Variants in PIGX observed in about 807,000 individuals in gnomAD.
The protein encoded by PIGX is phosphatidylinositol glycan anchor biosynthesis class X, also known as GPI alpha-1,4-mannosyltransferase I, stabilizing subunit.
In PIGX, 24 loss-of-function variants were observed where a neutral mutation model predicts 28.7. The ratio of observed to expected loss-of-function variants is 0.84; its 90% confidence interval spans 0.60 to 1.17. The LOEUF (loss-of-function observed/expected upper bound fraction) is 1.17, where lower values mean the gene tolerates loss of function less well. PIGX is among the 50% of genes most tolerant of loss of function. The pLI is 0.00. For synonymous variants in PIGX, 127 were observed against 121.0 expected (o/e 1.05, Z -0.33); for missense variants, 305 against 317.8 (o/e 0.96, Z 0.31).
chr3:196,714,029 T>C (rs1711974884), intron 1 of PIGX, among the ~76,000 whole-genome samples: 1 of 152,180 alleles, frequency 6.6e-6, no homozygotes, highest in African/African-American at 2.4e-5. Flanking sequence ...CTTTCTCCGG[T>C]CCCAATGATC....
At chr3:196,730,611 A>G (rs1712708579) in intron 4 of PIGX, among the ~76,000 whole-genome samples, 1 of 151,906 alleles carries the variant, frequency 6.6e-6, no homozygotes, top group Non-Finnish European at 1.5e-5. Context: ...AGCTGGGTGC[A>G]ATGGCAGGCA....
At chr3:196,727,383 C>A (rs1007166125) in intron 3 of PIGX, among the ~76,000 whole-genome samples, 31 of 152,152 alleles carry the variant, frequency 2.0e-4, no homozygotes, top group African/African-American at 7.0e-4. Flanking sequence ...TTTAAGCAAT[C>A]ATTTACTATT....
chr3:196,732,212 TTATTTATATATATATATATA>T (rs1712791693), intron 5 of PIGX, among the ~76,000 whole-genome samples: 2 of 52,254 alleles, frequency 3.8e-5, no homozygotes, highest in South Asian at 7.5e-4. Context: ...TATGTATATA[TTATTTATATATATATATATA>T]TATATATATA....
intron 5 of PIGX, among the ~76,000 whole-genome samples, chr3:196,732,143 T>C (rs1383769248): frequency 6.9e-6 from 1 of 145,934 alleles, no homozygotes; most frequent in African/African-American, 2.5e-5. Context: ...CCTTTAAAAT[T>C]CTGTAACTTG....
intron 3 of PIGX, among the ~76,000 whole-genome samples, chr3:196,723,295 C>G (rs149533899): frequency 0.04 from 6,033 of 152,114 alleles, 139 homozygotes; most frequent in Non-Finnish European, 0.041. Context: ...GAGCCGAGAT[C>G]GCATCATTGC....
intron 2 of PIGX, among the ~76,000 whole-genome samples, chr3:196,720,655 C>G (rs979622782): frequency 1.3e-5 from 2 of 152,124 alleles, no homozygotes; most frequent in African/African-American, 2.4e-5. Context: ...CAGTGATGCT[C>G]AAGGGCTCCA....
chr3:196,731,508 T>C (rs1163110828), intron 5 of PIGX, among the ~76,000 whole-genome samples: 2 of 152,156 alleles, frequency 1.3e-5, no homozygotes, highest in African/African-American at 4.8e-5. Context: ...TAGAAAGCTG[T>C]TTTTTCTTAC....
intron 3 of PIGX, among the ~76,000 whole-genome samples, chr3:196,724,702 A>C (rs879627748): frequency 1.3e-5 from 2 of 152,206 alleles, no homozygotes; most frequent in Non-Finnish European, 2.9e-5. Context: ...AACTTCTAGA[A>C]AAATAGATGT....
At chr3:196,732,235 TATATATATATATATA>T (rs1560080525) in intron 5 of PIGX, among the ~76,000 whole-genome samples, 12 of 65,228 alleles carry the variant, frequency 1.8e-4, no homozygotes, top group African/African-American at 7.7e-4. Flanking sequence ...TATATATATA[TATATATATATATATA>T]TATATATTTT....
intron 1 of PIGX, among the ~76,000 whole-genome samples, chr3:196,714,463 CTT>C (rs35728280): frequency 0.39 from 53,556 of 138,882 alleles, 9,720 homozygotes; most frequent in East Asian, 0.55. Context: ...GGCCCTGTCT[CTT>C]TTTTTTTTTT....
intron 3 of PIGX, among the ~76,000 whole-genome samples, chr3:196,727,123 A>G (rs1005337809): frequency 6.6e-6 from 1 of 152,208 alleles, no homozygotes; most frequent in African/African-American, 2.4e-5. Context: ...AGGGTTTTGC[A>G]TGGACAATCT....
chr3:196,722,367 T>G (rs773478180), intron 2 of PIGX, 48 bp from the exon 3 acceptor site: 10 of 1,412,242 alleles, frequency 7.1e-6, no homozygotes, highest in Non-Finnish European at 8.9e-6. Flanking sequence ...TGTTATCTCA[T>G]TTAACAGTTG....
chr3:196,729,730 T>A (rs1425846845), intron 4 of PIGX, among the ~76,000 whole-genome samples: 1 of 151,652 alleles, frequency 6.6e-6, no homozygotes, highest in Non-Finnish European at 1.5e-5. Flanking sequence ...AGTTTTTGGT[T>A]CTTTGTGTCT....
rs114199258 is a variant in PIGX, at chr3:196,727,053, G to C, written c.319-870G>C. Among the ~76,000 whole-genome samples, 1,229 of 152,280 alleles carry C rather than the reference G, an allele frequency of 8.1e-3. 12 individuals are homozygous for C. Among genetic ancestry groups the C allele is most frequent in the African/African-American group, 0.028 (1,174 of 41,558 alleles). On this transcript the variant is annotated intron_variant, in intron 3 of 5. Coordinates refer to ENST00000392391, the MANE Select transcript of PIGX (RefSeq NM_017861.4). The stretch of plus-strand genomic sequence containing the variant: ...ACATGTAAAGAAAACATAGCACTTG[G>C]TGTCACTGTCAGAGGAAAGTTAGGA...
intron 4 of PIGX, chr3:196,728,487 A>C: frequency 1.7e-6 from 1 of 602,312 alleles, no homozygotes. Flanking sequence ...TGGGCATTCC[A>C]AGACACTATA....
At chr3:196,732,252 A>T (rs1310795534) in intron 5 of PIGX, among the ~76,000 whole-genome samples, 1,099 of 22,212 alleles carry the variant, frequency 0.049, 119 homozygotes, top group African/African-American at 0.22. Flanking sequence ...ATATATATAT[A>T]TATATTTTAT....
At chr3:196,725,182 T>G (rs1021298781) in intron 3 of PIGX, among the ~76,000 whole-genome samples, 3 of 152,294 alleles carry the variant, frequency 2.0e-5, no homozygotes, top group Admixed American at 1.3e-4. Flanking sequence ...CGTATAAAAT[T>G]GCTGTTTTGT....
chr3:196,713,149 C>G, intron 1 of PIGX: 3 of 919,840 alleles, frequency 3.3e-6, no homozygotes, highest in Non-Finnish European at 3.9e-6. Context: ...GAGGAAAGCA[C>G]AAACCCTACA....
rs999942555 is a variant in PIGX, at chr3:196,734,491, A to G, written c.*589A>G. The G allele has an allele frequency of 3.3e-5, 5 of 152,380 alleles. No homozygotes were observed. Among genetic ancestry groups the G allele is most frequent in the African/African-American group, 1.2e-4 (5 of 41,570 alleles). 9.4% of individuals were successfully genotyped at this position (152,380 alleles called of 1,614,324 possible). Reference sequence around the variant, plus strand: ...GGCGGGAGGATCGCTTGAACCTGGGAGGCGGAGGTTCCAGAGAGCCAAGAT... The same window carrying G: ...GGCGGGAGGATCGCTTGAACCTGGGGGGCGGAGGTTCCAGAGAGCCAAGAT... On this transcript the variant is annotated 3_prime_UTR_variant, in exon 6 of 6. Transcript: ENST00000392391.
Sources: gnomAD v4.1 joint callset for allele counts (sites outside exome capture counted in the v4.1 genomes callset) on GRCh38, gnomAD v4.1.1 for gene constraint, MANE v1.5 for transcripts, NCBI Gene and HGNC (gene_info 2026-07-23, HGNC 2026-07-21) for gene names.